Variants in FANCD2 observed in about 807,000 individuals in gnomAD.
FANCD2 encodes the protein Fanconi anemia group D2 protein.
FANCD2 carries 131 observed loss-of-function variants against 192.3 expected under a neutral mutation model. That is an observed-to-expected ratio of 0.68 (90% confidence interval 0.59 to 0.79). The LOEUF (loss-of-function observed/expected upper bound fraction) is 0.79, where lower values mean the gene tolerates loss of function less well. Among genes scored for constraint, FANCD2 ranks in the 30% least tolerant of loss-of-function variants. The probability of loss-of-function intolerance (pLI) is 0.00; values close to 1 mark genes in which losing one functional copy is unlikely to be tolerated. For missense variants in FANCD2, 1,508 were observed against 1,701.6 expected, an observed-to-expected ratio of 0.89 and a Z score of 2.00; for synonymous variants, 524 against 612.5, an observed-to-expected ratio of 0.86 and a Z score of 2.13.
chr3:10,095,393 A>G, intron 41 of FANCD2, 119 bp downstream of exon 41: 5 of 859,784 alleles, frequency 5.8e-6, no homozygotes, highest in South Asian at 5.7e-5. Flanking sequence ...GTCTGTCCAA[A>G]GGCAGTTTAT....
At chr3:10,087,906 C>CA in intron 34 of FANCD2, among the ~76,000 whole-genome samples, 1 of 152,240 alleles carries the variant, frequency 6.6e-6, no homozygotes, top group African/African-American at 2.4e-5. Context: ...CTCAGCCTCC[C>CA]AAAGTGCTGG....
intron 18 of FANCD2, 39 bp from the exon 19 acceptor site, chr3:10,060,255 A>G: frequency 3.5e-6 from 5 of 1,430,436 alleles, no homozygotes; most frequent in Non-Finnish European, 4.9e-6. Context: ...TTGCTGTGCC[A>G]TTCCAGCATT....
At chr3:10,056,044 G>A (rs2087402160) in intron 18 of FANCD2, among the ~76,000 whole-genome samples, 1 of 151,792 alleles carries the variant, frequency 6.6e-6, no homozygotes, top group African/African-American at 2.4e-5. Context: ...ACTCCCGGCT[G>A]ATTTTTGTAT....
At chr3:10,039,868 T>C in intron 9 of FANCD2, 23 bp downstream of exon 9, 2 of 1,613,850 alleles carry the variant, frequency 1.2e-6, no homozygotes, top group Non-Finnish European at 1.7e-6. Context: ...TCTGTCATCA[T>C]CTAAGTGAGG....
In FANCD2 at chr3:10,043,446, C is replaced by G. The variant is rs9809061; in HGVS notation, c.990-38C>G. ...CGATCTTGTAAGTTCTTTTCTGGTA[C>G]GTAGAAGAGTAATTTTTTTCCTCTC... On this transcript the variant is annotated intron_variant, in intron 12 of 43. Transcript: ENST00000675286. 262,819 of 1,510,920 alleles carry G rather than the reference C, an allele frequency of 0.17. 25,916 individuals are homozygous for G. Among genetic ancestry groups the G allele is most frequent in the African/African-American group, 0.42 (30,861 of 72,800 alleles). 93.6% of individuals were successfully genotyped at this position (1,510,920 alleles called of 1,614,324 possible).
Position 10,052,489 on chromosome 3 carries a change from C to T in FANCD2, c.1648C>T (p.His550Tyr). The T allele has an allele frequency of 6.2e-7, 1 of 1,608,684 alleles. No homozygotes were observed. The highest frequency in any genetic ancestry group is 2.2e-5 in the East Asian group (1 of 44,860). Residue 550 changes from histidine (H) to tyrosine (Y), a missense_variant, in exon 18 of 44, where the codon CAC (histidine) becomes TAC (tyrosine). Coordinates refer to ENST00000675286, the MANE Select transcript of FANCD2 (RefSeq NM_001018115.3). ...AFSKQNEASS[H>Y]IQDDMHLVIR... ...TAGCAAACAGAATGAAGCCAGCAGC[C>T]ACATCCAGGTAAGAGGCAATATGTT... is the stretch of plus-strand genomic sequence containing the variant.
chr3:10,046,885 C>G (rs1424980898), intron 15 of FANCD2, among the ~76,000 whole-genome samples, 162 bp downstream of exon 15: 1 of 152,302 alleles, frequency 6.6e-6, no homozygotes, highest in Non-Finnish European at 1.5e-5. Context: ...CAGTTTGCAA[C>G]TTTGACAAAC....
chr3:10,101,231 A>C lies in FANCD2; in HGVS notation c.4325A>C (p.Asp1442Ala). 6.2e-7 allele frequency: 1 copy of C among 1,613,406 alleles called. No homozygotes were observed. The highest frequency in any genetic ancestry group is 1.6e-4 in the Middle Eastern group (1 of 6,062). ...GTAAGTGCTGGAGAAAAGGAGCAAG[A>C]TAGTGATGAGAGTTATGATGACTCT... ...DEVSAGEKEQ[D>A]SDESYDDSD Residue 1442 changes from aspartate (D) to alanine (A), a missense_variant, in exon 44 of 44, where the codon GAT (aspartate) becomes GCT (alanine). By Grantham distance (126) the Asp-to-Ala change is moderately radical (BLOSUM62 -2). Transcript: ENST00000675286.
Position 10,073,426 on chromosome 3 carries a change from C to G in FANCD2, c.2715+64C>G, listed in dbSNP as rs975742107. The G allele has an allele frequency of 8.9e-6, 11 of 1,233,106 alleles. No individual in the cohort carries two copies. The Admixed American group carries it at 1.9e-4, about 21-fold the overall frequency. The allele number at this position is 1,233,106 out of a possible 1,614,324, so 76.4% of individuals were successfully genotyped here. A position where few individuals can be genotyped will look rare whatever the true frequency, so the allele number is the denominator to read the frequency against. On this transcript the variant is annotated intron_variant, in intron 28 of 43. Transcript: ENST00000675286. ...CCCAGTGAGATTAACAGAAACCCAG[C>G]TTTATTCTCGGCATTTTACAAAGAA...
At chr3:10,055,811 C>CAAA (rs976750318) in intron 18 of FANCD2, among the ~76,000 whole-genome samples, 2 of 144,776 alleles carry the variant, frequency 1.4e-5, no homozygotes, top group African/African-American at 2.5e-5. Context: ...GACTCTGTCT[C>CAAA]AAAAAAAAAA....
Position 10,093,322 on chromosome 3 carries a change from A to T in FANCD2, c.3887A>T (p.Lys1296Met). The T allele has an allele frequency of 6.2e-7, 1 of 1,611,708 alleles. No homozygotes were observed. Among genetic ancestry groups the T allele is most frequent in the Non-Finnish European group, 8.5e-7 (1 of 1,177,830 alleles). Reference sequence around the variant, plus strand: ...CATCCTGTTCTGCATGTATGTTTGAAGGTGAGAGATTTACTGGGCCCTGTT... The same window carrying T: ...CATCCTGTTCTGCATGTATGTTTGATGGTGAGAGATTTACTGGGCCCTGTT... ...DSHPVLHVCL[K>M]YGRLFVEAFL... The change falls in exon 39 of 44, where the codon AAG (lysine) becomes ATG (methionine). Residue 1296 changes from lysine (K) to methionine (M), a missense_variant and splice_region_variant. Physicochemically the swap from Lys to Met is moderately conservative, Grantham distance 95. This residue lies in a region of FANCD2 where 796 missense variants were observed against 879.4 expected (regional missense o/e 0.91). Transcript: ENST00000675286.
At chr3:10,074,163 C>G (rs778684735) in intron 28 of FANCD2, among the ~76,000 whole-genome samples, 1 of 152,188 alleles carries the variant, frequency 6.6e-6, no homozygotes, top group Non-Finnish European at 1.5e-5. Context: ...CCAGGCAGGT[C>G]TCAAACTCCT....
intron 36 of FANCD2, 75 bp from the exon 37 acceptor site, chr3:10,090,217 T>A: frequency 9.5e-7 from 1 of 1,057,416 alleles, no homozygotes; most frequent in Non-Finnish European, 1.5e-6. Flanking sequence ...AAGCTACTTT[T>A]GGTTCCTGGT....
At chr3:10,057,497 T>G (rs2087447819) in intron 18 of FANCD2, among the ~76,000 whole-genome samples, 1 of 152,102 alleles carries the variant, frequency 6.6e-6, no homozygotes, top group Non-Finnish European at 1.5e-5. Flanking sequence ...CCCGTGTAGC[T>G]GGGACTAGGG....
rs1694966046 is a variant in FANCD2 at position 10,096,388 on chromosome 3, A to G, written c.4101A>G (p.Leu1367=). 6.2e-7 allele frequency: 1 copy of G among 1,613,996 alleles called. No individual in the cohort carries two copies. The highest frequency in any genetic ancestry group is 1.1e-5 in the South Asian group (1 of 91,090). ...VPLLKKTLEL[L]VCRVKAMLTL... is the part of the protein sequence containing the mutation. The stretch of plus-strand genomic sequence containing the variant: ...TGCTCAAAAAGACCCTGGAACTTTT[A>G]GTTTGCAGAGTCAAAGCTATGCTCA... Residue 1367 remains leucine (L), a synonymous_variant, in exon 42 of 44, where the codon TTA becomes TTG. Coordinates refer to ENST00000675286, the MANE Select transcript of FANCD2 (RefSeq NM_001018115.3).
At chr3:10,070,039 ATC>A (rs1693108740) in intron 26 of FANCD2, among the ~76,000 whole-genome samples, 2 of 118,916 alleles carry the variant, frequency 1.7e-5, no homozygotes, top group Admixed American at 8.8e-5. Flanking sequence ...CCGGCCACCC[ATC>A]GTCTGAGATG....
chr3:10,028,569 A>G, intron 1 of FANCD2, 56 bp from the exon 2 acceptor site: 1 of 1,181,668 alleles, frequency 8.5e-7, no homozygotes, highest in Non-Finnish European at 1.3e-6. Context: ...CAATAGCTTT[A>G]ACTTCTCAGA....
In FANCD2 at chr3:10,101,697, A is replaced by G. The variant is rs1034476200; in HGVS notation, c.*435A>G. ...CGCTCCCAGCCATATTTTGTTCTTA[A>G]AGTGGGGTCTTTATTAACTTGTGGA... is the stretch of plus-strand genomic sequence containing the variant. On this transcript the variant is annotated 3_prime_UTR_variant, in exon 44 of 44. Coordinates refer to ENST00000675286, the MANE Select transcript of FANCD2 (RefSeq NM_001018115.3). The G allele has an allele frequency of 1.5e-5, 4 of 270,602 alleles. No individual in the cohort carries two copies. The highest frequency in any genetic ancestry group is 2.2e-5 in the African/African-American group (1 of 45,132). 16.8% of individuals were successfully genotyped at this position (270,602 alleles called of 1,614,324 possible). A position where few individuals can be genotyped will look rare whatever the true frequency, so the allele number is the denominator to read the frequency against.
intron 29 of FANCD2, 149 bp from the exon 30 acceptor site, chr3:10,077,932 G>A: frequency 1.4e-6 from 1 of 721,700 alleles, no homozygotes; most frequent in Non-Finnish European, 2.6e-6. Context: ...TACTCGGGAG[G>A]CTGAGATGGG....
Sources: allele counts gnomAD v4.1 joint callset (sites outside exome capture counted in the v4.1 genomes callset), GRCh38; gene constraint gnomAD v4.1.1; regional missense constraint gnomAD v4.1.1; transcripts MANE v1.5; gene names NCBI Gene and HGNC (gene_info 2026-07-23, HGNC 2026-07-21).